RSRC1: variants seen among roughly 807,000 people sequenced by gnomAD.
RSRC1 encodes the protein serine/Arginine-related protein 53.
Under a neutral mutation model 49.1 loss-of-function variants are expected in RSRC1, and 39 were observed. The observed-to-expected ratio is 0.79, with a 90% CI of 0.61 to 1.04. RSRC1 has a LOEUF of 1.04. Among genes scored for constraint, RSRC1 ranks in the 50% least tolerant of loss-of-function variants. The pLI is 0.00. For synonymous variants in RSRC1, 143 were observed against 130.8 expected (o/e 1.09, Z -0.63); for missense variants, 388 against 402.4 (o/e 0.96, Z 0.31).
intron 4 of RSRC1, among the ~76,000 whole-genome samples, chr3:158,263,629 A>C (rs1397950449): frequency 6.6e-6 from 1 of 152,136 alleles, no homozygotes; most frequent in African/African-American, 2.4e-5. Context: ...GGTAAAACTT[A>C]GGCATGAAGC....
intron 4 of RSRC1, chr3:158,276,060 A>G (rs1419014926): frequency 3.5e-6 from 3 of 860,880 alleles, no homozygotes; most frequent in African/African-American, 3.3e-5. Flanking sequence ...GATCTTCACC[A>G]ACCCAGTAAG....
At chr3:158,238,291 C>T (rs1723355727) in intron 4 of RSRC1, among the ~76,000 whole-genome samples, 1 of 152,182 alleles carries the variant, frequency 6.6e-6, no homozygotes, top group South Asian at 2.1e-4. Context: ...GCCACACTGC[C>T]CAAGGTAATT....
intron 6 of RSRC1, among the ~76,000 whole-genome samples, chr3:158,398,161 T>G (rs1023850262): frequency 6.6e-6 from 1 of 152,064 alleles, no homozygotes; most frequent in Non-Finnish European, 1.5e-5. Context: ...CATGAATCTG[T>G]GGGATACATT....
At chr3:158,415,018 A>G (rs372733016) in intron 6 of RSRC1, among the ~76,000 whole-genome samples, 3 of 152,236 alleles carry the variant, frequency 2.0e-5, no homozygotes, top group African/African-American at 7.2e-5. Context: ...CTAGAAATGG[A>G]TCTTCTAAAA....
At chr3:158,153,953 A>G (rs1277614498) in intron 3 of RSRC1, among the ~76,000 whole-genome samples, 2 of 152,214 alleles carry the variant, frequency 1.3e-5, no homozygotes, top group East Asian at 1.9e-4. Context: ...GTGAAAATAT[A>G]GCTTTCCATT....
rs532488634 is a variant in RSRC1 at position 158,211,837 on chromosome 3, T to C, written c.494+8592T>C. Among the ~76,000 whole-genome samples, 28 of 152,082 alleles carry C rather than the reference T, an allele frequency of 1.8e-4. No homozygotes were observed. The East Asian group carries it at 3.1e-3, about 17-fold the overall frequency. ...AATAAATGGTCATCATTTTATTTTTTATTGATAAAACAGTTTTAACTATTG... is the reference window on the plus strand; with the variant it reads ...AATAAATGGTCATCATTTTATTTTTCATTGATAAAACAGTTTTAACTATTG... On this transcript the variant is annotated intron_variant, in intron 4 of 9. Transcript: ENST00000611884.
intron 7 of RSRC1, among the ~76,000 whole-genome samples, chr3:158,509,496 T>A: frequency 6.6e-6 from 1 of 152,188 alleles, no homozygotes; most frequent in Middle Eastern, 3.2e-3. Context: ...ACCAATAATA[T>A]AACATTTACT....
chr3:158,480,436 T>A (rs929091832), intron 7 of RSRC1, among the ~76,000 whole-genome samples: 2 of 152,042 alleles, frequency 1.3e-5, no homozygotes, highest in Admixed American at 1.3e-4. Flanking sequence ...AGATCTTTCA[T>A]ATATTGAAAA....
intron 4 of RSRC1, among the ~76,000 whole-genome samples, chr3:158,297,524 A>G (rs546906322): frequency 3.3e-5 from 5 of 152,086 alleles, no homozygotes; most frequent in Admixed American, 1.3e-4. Flanking sequence ...ATAGGATAAG[A>G]TTTAGTTATT....
intron 3 of RSRC1, among the ~76,000 whole-genome samples, chr3:158,148,844 C>T (rs1268479108): frequency 4.6e-5 from 7 of 150,730 alleles, no homozygotes; most frequent in Non-Finnish European, 7.4e-5. Context: ...AGTGCAATGG[C>T]GCGATCTCGG....
At chr3:158,407,810 T>C (rs556306038) in intron 6 of RSRC1, among the ~76,000 whole-genome samples, 13 of 152,302 alleles carry the variant, frequency 8.5e-5, no homozygotes, top group African/African-American at 2.4e-4. Flanking sequence ...ATTTGCATAT[T>C]TTAGATTTTA....
At chr3:158,176,136 T>C (rs1719200027) in intron 3 of RSRC1, among the ~76,000 whole-genome samples, 1 of 152,108 alleles carries the variant, frequency 6.6e-6, no homozygotes, top group Admixed American at 6.6e-5. Context: ...AAACCACTGC[T>C]CAATGAAATA....
chr3:158,240,172 A>G (rs1457925060), intron 4 of RSRC1, among the ~76,000 whole-genome samples: 2 of 152,066 alleles, frequency 1.3e-5, no homozygotes, highest in African/African-American at 4.8e-5. Flanking sequence ...CTGTCTGCCT[A>G]TTACAGTTAT....
chr3:158,318,652 T>C (rs372979164), intron 5 of RSRC1, among the ~76,000 whole-genome samples: 6 of 152,306 alleles, frequency 3.9e-5, no homozygotes, highest in Admixed American at 1.3e-4. Flanking sequence ...CATAACACTG[T>C]TGATCCCACT....
At chr3:158,355,032 A>T (rs1731085949) in intron 6 of RSRC1, 124 bp downstream of exon 6, 1 of 605,026 alleles carries the variant, frequency 1.7e-6, no homozygotes, top group African/African-American at 2.0e-5. Context: ...AATTTATCAG[A>T]TCTAGATTAT....
chr3:158,522,473 AC>A (rs1228966505), intron 7 of RSRC1, among the ~76,000 whole-genome samples: 1 of 152,042 alleles, frequency 6.6e-6, no homozygotes, highest in African/African-American at 2.4e-5. Flanking sequence ...ATCCAGCTGT[AC>A]CCTACTTTCA....
chr3:158,285,228 G>C (rs1726448045), intron 4 of RSRC1, among the ~76,000 whole-genome samples: 2 of 152,018 alleles, frequency 1.3e-5, no homozygotes, highest in African/African-American at 2.4e-5. Flanking sequence ...ATTTCTGAGG[G>C]CTCTGTTCTG....
chr3:158,288,564 A>G (rs564376047), intron 4 of RSRC1, among the ~76,000 whole-genome samples: 2 of 152,070 alleles, frequency 1.3e-5, no homozygotes, highest in Non-Finnish European at 2.9e-5. Flanking sequence ...CCCTGCCTGG[A>G]TTGGACAGTT....
intron 8 of RSRC1, among the ~76,000 whole-genome samples, chr3:158,541,325 G>A (rs1713020274): frequency 6.6e-6 from 1 of 152,062 alleles, no homozygotes; most frequent in African/African-American, 2.4e-5. Context: ...ATCATTCTTT[G>A]TCAGCACCTT....
Sources: allele counts gnomAD v4.1 joint callset (sites outside exome capture counted in the v4.1 genomes callset), GRCh38; gene constraint gnomAD v4.1.1; transcripts MANE v1.5; gene names NCBI Gene and HGNC (gene_info 2026-07-23, HGNC 2026-07-21).